The following SLC25A28 variants were observed in gnomAD, a reference collection of about 807,000 sequenced individuals.
The protein encoded by SLC25A28 is mitoferrin-2.
In SLC25A28, 10 loss-of-function variants were observed where a neutral mutation model predicts 31.9. The ratio of observed to expected loss-of-function variants is 0.31; its 90% CI spans 0.19 to 0.53. SLC25A28 has a LOEUF of 0.53. Among genes scored for constraint, SLC25A28 ranks in the 20% least tolerant of loss-of-function variants. The probability of loss-of-function intolerance (pLI) is 0.95; values close to 1 mark genes in which losing one functional copy is unlikely to be tolerated. For synonymous variants in SLC25A28, 208 were observed against 203.6 expected (o/e 1.02, Z -0.19); for missense variants, 256 against 490.3 (o/e 0.52, Z 4.51).
Position 99,611,507 on chromosome 10 carries a change from T to A in SLC25A28, c.578-141A>T. On this transcript the variant is annotated intron_variant, in intron 3 of 3. Transcript: ENST00000370495. This position sits in a 1 kb window ranked among gnomAD's most constrained non-coding sequence, Gnocchi z 5.5. ...AGTATGAGTGAGCTGCTGGCTAACCTGAGAAGTCAGCTTCCCTTTTTTGAG... is the reference window on the plus strand; with the variant it reads ...AGTATGAGTGAGCTGCTGGCTAACCAGAGAAGTCAGCTTCCCTTTTTTGAG... The A allele has an allele frequency of 9.5e-7, 1 of 1,057,474 alleles. No individual in the cohort carries two copies. The highest frequency in any genetic ancestry group is 2.6e-5 in the Admixed American group (1 of 37,962). The allele number at this position is 1,057,474 out of a possible 1,614,324, so 65.5% of individuals were successfully genotyped here. A position where few individuals can be genotyped will look rare whatever the true frequency, so the allele number is the denominator to read the frequency against.
the SLC25A28 span, among the ~76,000 whole-genome samples, chr10:99,648,613 C>G: frequency 6.6e-6 from 1 of 150,754 alleles, no homozygotes; most frequent in Non-Finnish European, 1.5e-5. Flanking sequence ...GCATAATCTA[C>G]TATTTCTTTC....
At chr10:99,619,969 C>A in intron 1 of SLC25A28, 76 bp downstream of exon 1, 1 of 1,415,176 alleles carries the variant, frequency 7.1e-7, no homozygotes, top group Non-Finnish European at 9.3e-7. Context: ...GGCTCTCAGC[C>A]GGGATCCTGG....
chr10:99,611,278 C>T lies in SLC25A28; in HGVS notation c.666G>A (p.Gly222=). 1 of 1,613,990 alleles carries T rather than the reference C, an allele frequency of 6.2e-7. No individual in the cohort carries two copies. The highest frequency in any genetic ancestry group is 8.5e-7 in the Non-Finnish European group (1 of 1,180,004). The change falls in exon 4 of 4, where the codon GGG becomes GGA. Residue 222 remains glycine, a synonymous_variant. Coordinates refer to ENST00000370495, the MANE Select transcript of SLC25A28 (RefSeq NM_031212.4). The surrounding 1 kb of genome is among the most constrained non-coding windows in gnomAD (Gnocchi z 5.5). ...GGGTGGTGTAGCTGCGGTAAAAGGCCCCGGCCCCTTCATTTTGCCACACTG... is the reference window on the plus strand; with the variant it reads ...GGGTGGTGTAGCTGCGGTAAAAGGCTCCGGCCCCTTCATTTTGCCACACTG... The part of the protein sequence containing the change: ...VRAVWQNEGA[G]AFYRSYTTQL...
chr10:99,648,828 CA>C, the SLC25A28 span, among the ~76,000 whole-genome samples: 1 of 151,596 alleles, frequency 6.6e-6, no homozygotes, highest in African/African-American at 2.4e-5. Flanking sequence ...ATTCATTTAT[CA>C]AATCTAAAAG....
the SLC25A28 span, among the ~76,000 whole-genome samples, chr10:99,640,955 C>A: frequency 5.4e-4 from 82 of 152,266 alleles, 1 homozygote; most frequent in South Asian, 0.015. Flanking sequence ...TTTCTTAATC[C>A]AGTCTATCAT....
the SLC25A28 span, among the ~76,000 whole-genome samples, chr10:99,635,410 G>A: frequency 6.6e-6 from 1 of 152,146 alleles, no homozygotes; most frequent in South Asian, 2.1e-4. Flanking sequence ...TGCTGGGCAC[G>A]ATGGCTCACA....
At chr10:99,615,303 G>A (rs1390901089) in intron 1 of SLC25A28, 8 of 665,748 alleles carry the variant, frequency 1.2e-5, no homozygotes, top group African/African-American at 2.0e-5. Flanking sequence ...GTGAGCCTTC[G>A]CTGGTTTGAG....
chr10:99,636,311 C>T, the SLC25A28 span, among the ~76,000 whole-genome samples: 5 of 152,116 alleles, frequency 3.3e-5, no homozygotes, highest in Non-Finnish European at 4.4e-5. Context: ...GAAATCAACT[C>T]CAAAAGGAAC....
chr10:99,644,044 T>G, the SLC25A28 span, among the ~76,000 whole-genome samples: 1 of 152,216 alleles, frequency 6.6e-6, no homozygotes, highest in Non-Finnish European at 1.5e-5. Flanking sequence ...TATATTCTGT[T>G]GATTTGGAGT....
chr10:99,638,573 G>A, the SLC25A28 span, among the ~76,000 whole-genome samples: 1 of 152,094 alleles, frequency 6.6e-6, no homozygotes, highest in Non-Finnish European at 1.5e-5. Flanking sequence ...AATCTACAAT[G>A]AACTCAAACA....
chr10:99,613,395 T>G lies in SLC25A28; in HGVS notation c.520+301A>C. The G allele has an allele frequency of 7.9e-7, 1 of 1,272,526 alleles. No homozygotes were observed. The highest frequency in any genetic ancestry group is 1.0e-6 in the Non-Finnish European group (1 of 998,840). 78.8% of individuals were successfully genotyped at this position (1,272,526 alleles called of 1,614,324 possible). On this transcript the variant is annotated intron_variant, in intron 2 of 3. Transcript: ENST00000370495. The surrounding 1 kb of genome is among the most constrained non-coding windows in gnomAD (Gnocchi z 4.9). ...ACTGTCAAACATAGACTGGGGGTAG[T>G]TCAGTGTGTCTCCACATTACCAGGG...
rs1421183308 is a variant in SLC25A28 at position 99,613,589 on chromosome 10, C to T, written c.520+107G>A. The T allele has an allele frequency of 6.4e-7, 1 of 1,568,550 alleles. No individual in the cohort carries two copies. The highest frequency in any genetic ancestry group is 8.6e-7 in the Non-Finnish European group (1 of 1,157,494). ...CCCTCCCTTATAATCTGGCCTATCC[C>T]AGCCCAAAGCTTCAGCTCCAAACCA... On this transcript the variant is annotated intron_variant, in intron 2 of 3. Coordinates refer to ENST00000370495, the MANE Select transcript of SLC25A28 (RefSeq NM_031212.4). This position sits in a 1 kb window ranked among gnomAD's most constrained non-coding sequence, Gnocchi z 4.9.
intron 1 of SLC25A28, chr10:99,615,616 C>T (rs2034632841): frequency 1.0e-6 from 1 of 985,284 alleles, no homozygotes; most frequent in Non-Finnish European, 1.2e-6. Context: ...ACATTCTTTC[C>T]TACTTCCCCC....
chr10:99,655,745 G>A, the SLC25A28 span, among the ~76,000 whole-genome samples: 4 of 152,082 alleles, frequency 2.6e-5, no homozygotes, highest in African/African-American at 9.7e-5. Flanking sequence ...TGTACCATAT[G>A]CCCATTTAAA....
intron 1 of SLC25A28, chr10:99,615,886 T>G (rs566527874): frequency 2.0e-6 from 2 of 985,480 alleles, no homozygotes; most frequent in South Asian, 9.4e-5. Flanking sequence ...CTACCAATTC[T>G]GAACGGTTTG....
intron 1 of SLC25A28, chr10:99,617,197 G>A (rs2034678006): frequency 1.0e-6 from 1 of 985,430 alleles, no homozygotes; most frequent in Middle Eastern, 5.2e-4. Context: ...TGTCCCCATA[G>A]ATAAAGTCTG....
Position 99,613,543 on chromosome 10 carries a change from G to A in SLC25A28, c.520+153C>T. The A allele has an allele frequency of 6.7e-7, 1 of 1,486,386 alleles. No homozygotes were observed. The highest frequency in any genetic ancestry group is 1.3e-5 in the South Asian group (1 of 74,310). The allele number at this position is 1,486,386 out of a possible 1,614,324, so 92.1% of individuals were successfully genotyped here. On this transcript the variant is annotated intron_variant, in intron 2 of 3. Coordinates refer to ENST00000370495, the MANE Select transcript of SLC25A28 (RefSeq NM_031212.4). This position sits in a 1 kb window ranked among gnomAD's most constrained non-coding sequence, Gnocchi z 4.9. ...GCAGGGTTGAAGCGGCCCGTTGTCT[G>A]AGAACATCAGGTTTGGAAGTCCCTC...
At chr10:99,612,511 GC>G (rs779641795) in intron 3 of SLC25A28, 31 bp downstream of exon 3, 2 of 1,610,312 alleles carry the variant, frequency 1.2e-6, no homozygotes, top group Non-Finnish European at 1.7e-6. Flanking sequence ...AGGTGCAGCT[GC>G]CCACAGAGTG....
At chr10:99,631,564 A>C in the SLC25A28 span, among the ~76,000 whole-genome samples, 1 of 152,204 alleles carries the variant, frequency 6.6e-6, no homozygotes, top group South Asian at 2.1e-4. Flanking sequence ...CAAGGTAATA[A>C]ACTAACAAAA....
Sources: allele counts gnomAD v4.1 joint callset (sites outside exome capture counted in the v4.1 genomes callset), GRCh38; gene constraint gnomAD v4.1.1; non-coding constraint Gnocchi (gnomAD v3.1); transcripts MANE v1.5; gene names NCBI Gene and HGNC (gene_info 2026-07-23, HGNC 2026-07-21).